Variants in GGPS1 observed in about 807,000 individuals in gnomAD.
GGPS1 encodes the protein geranylgeranyl pyrophosphate synthase.
Under a neutral mutation model 28.1 loss-of-function variants are expected in GGPS1, and 15 were observed. The observed-to-expected ratio is 0.53, with a 90% confidence interval of 0.36 to 0.82. The LOEUF is 0.82. GGPS1 is among the 40% of genes least tolerant of loss of function. The pLI, the probability that GGPS1 is intolerant of heterozygous loss-of-function variation, is 0.01. For synonymous variants in GGPS1, 138 were observed against 122.4 expected, an observed-to-expected ratio of 1.13 and a Z score of -0.84; for missense variants, 284 against 348.3, an observed-to-expected ratio of 0.82 and a Z score of 1.47.
rs1676071619 is a variant in GGPS1, at chr1:235,342,268, G to A, written c.399G>A (p.Arg133=). ...GACAAGGCCTAGATATTTACTGGAG[G>A]GATAATTACACTTGTCCCACTGAAG... ...HQGQGLDIYW[R]DNYTCPTEEE... Residue 133 remains arginine, a synonymous_variant, in exon 4 of 4, where the codon AGG becomes AGA. Transcript: ENST00000282841. The A allele has an allele frequency of 1.2e-6, 2 of 1,614,134 alleles. No individual in the cohort carries two copies. The highest frequency in any genetic ancestry group is 1.7e-5 in the Admixed American group (1 of 60,004).
chr1:235,327,323 CG>C (rs1675366664), upstream of GGPS1: 1 of 154,324 alleles, frequency 6.5e-6, no homozygotes, highest in Admixed American at 6.5e-5. Flanking sequence ...AGCGAATCCG[CG>C]CCCCCACGCG....
intron 2 of GGPS1, 61 bp from the exon 3 acceptor site, chr1:235,341,647 A>G: frequency 1.1e-6 from 1 of 929,794 alleles, no homozygotes; most frequent in Non-Finnish European, 1.8e-6. Flanking sequence ...TGTTTTTTGT[A>G]GTTAAAATAC....
rs1676144094 is a variant in GGPS1, at chr1:235,344,470, A to G, written c.*1698A>G. On this transcript the variant is annotated 3_prime_UTR_variant, in exon 4 of 4. Transcript: ENST00000282841. ...TTATGAACCCATACTTTTAAAAAGC[A>G]TTTTTAAAAATCTAACACTGACTAT... 1 of 167,034 alleles carries G rather than the reference A, an allele frequency of 6.0e-6. No individual in the cohort carries two copies. Among genetic ancestry groups the G allele is most frequent in the Non-Finnish European group, 1.5e-5 (1 of 68,102 alleles). 10.3% of individuals were successfully genotyped at this position (167,034 alleles called of 1,614,324 possible).
At chr1:235,334,029 A>G (rs1038909510) in intron 1 of GGPS1, among the ~76,000 whole-genome samples, 5 of 152,218 alleles carry the variant, frequency 3.3e-5, no homozygotes, top group Admixed American at 3.3e-4. Context: ...TAGGAAGACC[A>G]TGAGTGTTAT....
intron 2 of GGPS1, among the ~76,000 whole-genome samples, chr1:235,339,027 C>T (rs1482987229): frequency 1.3e-5 from 2 of 151,642 alleles, no homozygotes; most frequent in Non-Finnish European, 2.9e-5. Context: ...TGGCCGGGCG[C>T]GGTAGCTCAC....
At chr1:235,329,406 G>C (rs1675611721) in intron 1 of GGPS1, 1 of 152,292 alleles carries the variant, frequency 6.6e-6, no homozygotes, top group Non-Finnish European at 1.5e-5. Context: ...AAAACGATGT[G>C]AAATTACCGC....
chr1:235,327,368 CGAG>C (rs1675376363), upstream of GGPS1: 1 of 152,756 alleles, frequency 6.5e-6, no homozygotes, highest in Admixed American at 6.5e-5. Flanking sequence ...CGGGGGCCAC[CGAG>C]GGGCCAGGAG....
chr1:235,333,579 A>AT (rs1675781784), intron 1 of GGPS1, among the ~76,000 whole-genome samples: 1 of 151,756 alleles, frequency 6.6e-6, no homozygotes. Flanking sequence ...AAAAAAAAAA[A>AT]CAAAAGGACC....
chr1:235,332,564 CGTT>C (rs1198937846), intron 1 of GGPS1, among the ~76,000 whole-genome samples: 2 of 151,972 alleles, frequency 1.3e-5, no homozygotes, highest in Non-Finnish European at 2.9e-5. Context: ...TTTTGTGGCA[CGTT>C]GTTGGTATTT....
At chr1:235,339,602 T>A (rs2803850) in intron 2 of GGPS1, among the ~76,000 whole-genome samples, 69,260 of 151,118 alleles carry the variant, frequency 0.46, 16,130 homozygotes, top group South Asian at 0.6. Flanking sequence ...TCTACTAAAA[T>A]TACAAAAATT....
chr1:235,328,002 C>G (rs903083929), upstream of GGPS1: 1 of 152,666 alleles, frequency 6.6e-6, no homozygotes, highest in Non-Finnish European at 1.5e-5. Flanking sequence ...CCCCCCCGGA[C>G]TGGAGGTCCG....
intron 1 of GGPS1, among the ~76,000 whole-genome samples, chr1:235,334,455 A>G (rs1401731407): frequency 6.6e-6 from 1 of 152,232 alleles, no homozygotes; most frequent in Non-Finnish European, 1.5e-5. Context: ...TCTAATTGAG[A>G]TATAATTTAC....
At chr1:235,330,116 G>A (rs1024693337) in intron 1 of GGPS1, 2 of 152,170 alleles carry the variant, frequency 1.3e-5, no homozygotes, top group Admixed American at 6.6e-5. Flanking sequence ...GAAATCCTTT[G>A]ATTTAAAAGA....
chr1:235,344,342 G>C lies in GGPS1; in HGVS notation c.*1570G>C, dbSNP rs535982364. The stretch of plus-strand genomic sequence containing the variant: ...CTAAATCTTTGAAAAGTTGGGTGCT[G>C]TCTTTAGTAACTTTTAAAATAGTTT... On this transcript the variant is annotated 3_prime_UTR_variant, in exon 4 of 4. Coordinates refer to ENST00000282841, the MANE Select transcript of GGPS1 (RefSeq NM_004837.4). The C allele has an allele frequency of 4.2e-5, 7 of 167,086 alleles. No homozygotes were observed. The highest frequency in any genetic ancestry group is 1.7e-4 in the African/African-American group (7 of 41,536). 10.4% of individuals were successfully genotyped at this position (167,086 alleles called of 1,614,324 possible).
At chr1:235,339,213 C>T (rs1157552871) in intron 2 of GGPS1, among the ~76,000 whole-genome samples, 14 of 151,864 alleles carry the variant, frequency 9.2e-5, no homozygotes, top group African/African-American at 3.1e-4. Context: ...GCAGGAGAAT[C>T]GCTTGAACCT....
At chr1:235,337,597 TAAA>T (rs1000299929) in intron 2 of GGPS1, among the ~76,000 whole-genome samples, 7 of 152,168 alleles carry the variant, frequency 4.6e-5, no homozygotes, top group Non-Finnish European at 1.5e-5. Context: ...CTCTTGCTAA[TAAA>T]TAATAATAAT....
At chr1:235,329,147 A>C (rs1337015024) in intron 1 of GGPS1, 2 of 152,224 alleles carry the variant, frequency 1.3e-5, no homozygotes, top group Non-Finnish European at 2.9e-5. Flanking sequence ...TTTCTCCCGG[A>C]GTATGAATGG....
chr1:235,342,283 TC>T lies in GGPS1; in HGVS notation c.417del (p.Thr140LeufsTer19). 1.2e-6 allele frequency: 2 copies of T among 1,614,172 alleles called. No homozygotes were observed. Among genetic ancestry groups the T allele is most frequent in the Non-Finnish European group, 1.7e-6 (2 of 1,180,008 alleles). ...DIYWRDNYTC[P>X]TEEEYKAMVL... is the part of the protein sequence containing the mutation. Reference sequence around the variant, plus strand: ...TTTACTGGAGGGATAATTACACTTGTCCCACTGAAGAAGAATATAAAGCTAT... The same window carrying T: ...TTTACTGGAGGGATAATTACACTTGTCCACTGAAGAAGAATATAAAGCTAT... On this transcript the variant is annotated frameshift_variant, in exon 4 of 4. Coordinates refer to ENST00000282841, the MANE Select transcript of GGPS1 (RefSeq NM_004837.4). LOFTEE classifies it high-confidence loss of function.
chr1:235,338,942 C>T (rs571167040), intron 2 of GGPS1, among the ~76,000 whole-genome samples: 13 of 151,602 alleles, frequency 8.6e-5, no homozygotes, highest in East Asian at 7.8e-4. Context: ...AGCATGTGGA[C>T]GACTTGAGGT....
Sources: gnomAD v4.1 joint callset for allele counts (sites outside exome capture counted in the v4.1 genomes callset) on GRCh38, gnomAD v4.1.1 for gene constraint, MANE v1.5 for transcripts, NCBI Gene and HGNC (gene_info 2026-07-23, HGNC 2026-07-21) for gene names.